PLCL2: variants seen among roughly 807,000 people sequenced by gnomAD.
The protein encoded by PLCL2 is inactive phospholipase C-like protein 2.
In PLCL2, 4 loss-of-function variants were observed where a neutral mutation model predicts 79.6. The observed-to-expected ratio is 0.05, with a 90% CI of 0.02 to 0.11. The LOEUF is 0.11. PLCL2 is among the 10% of genes least tolerant of loss of function. PLCL2 has a pLI of 1.00. For synonymous variants in PLCL2, 484 were observed against 457.7 expected, an observed-to-expected ratio of 1.06 and a Z score of -0.73; for missense variants, 895 against 1,291.0, an observed-to-expected ratio of 0.69 and a Z score of 4.70.
rs547042519 is a variant in PLCL2 at position 16,891,955 on chromosome 3, C to A, written c.327+6589C>A. On this transcript the variant is annotated intron_variant, in intron 1 of 5. Coordinates refer to ENST00000615277, the MANE Select transcript of PLCL2 (RefSeq NM_001144382.2). ...TTCTCTGTCTTCCAGCCACCACTCT[C>A]CCTGTATCTCCATACAGTCCTTCTG... 1.1e-4 allele frequency among the ~76,000 whole-genome samples: 17 copies of A among 152,350 alleles called. No homozygotes were observed. The South Asian group carries it at 3.5e-3, about 32-fold the overall frequency.
chr3:16,949,638 C>T (rs1333091182), intron 1 of PLCL2, among the ~76,000 whole-genome samples: 1 of 152,064 alleles, frequency 6.6e-6, no homozygotes, highest in Non-Finnish European at 1.5e-5. Context: ...TCAAATTTAT[C>T]TTTTCTTGTG....
chr3:17,079,834 A>G (rs1003336099), intron 5 of PLCL2, among the ~76,000 whole-genome samples: 5 of 152,198 alleles, frequency 3.3e-5, no homozygotes, highest in Admixed American at 1.3e-4. Context: ...CAGCCCAAAT[A>G]TAGGCAAAAA....
intron 1 of PLCL2, among the ~76,000 whole-genome samples, chr3:16,898,483 G>A (rs896782662): frequency 5.3e-5 from 8 of 152,308 alleles, no homozygotes; most frequent in Non-Finnish European, 7.4e-5. Context: ...AATAGCTGCC[G>A]GGTATGAATG....
At chr3:16,968,394 A>G (rs1044008691) in intron 1 of PLCL2, among the ~76,000 whole-genome samples, 6 of 151,986 alleles carry the variant, frequency 3.9e-5, no homozygotes, top group African/African-American at 1.2e-4. Context: ...GATTCTTCCT[A>G]TCCATGAGCA....
rs1410885778 is a variant in PLCL2, at chr3:16,953,500, C to T, written c.328-56174C>T. On this transcript the variant is annotated intron_variant, in intron 1 of 5. Coordinates refer to ENST00000615277, the MANE Select transcript of PLCL2 (RefSeq NM_001144382.2). ...GCATGTAAAATAGATAGGATCACTG[C>T]CCTTGAAGAGCTTGTTCTCTAAAAA... 2.0e-5 allele frequency among the ~76,000 whole-genome samples: 3 copies of T among 152,180 alleles called. No homozygotes were observed. The East Asian group carries it at 5.8e-4, about 29-fold the overall frequency.
chr3:17,007,140 G>A (rs2064268992), intron 1 of PLCL2, among the ~76,000 whole-genome samples: 2 of 152,036 alleles, frequency 1.3e-5, no homozygotes, highest in African/African-American at 2.4e-5. Context: ...CTTTATCAAA[G>A]GTAAATGCGT....
intron 1 of PLCL2, among the ~76,000 whole-genome samples, chr3:16,972,809 GT>G (rs1379160216): frequency 6.6e-6 from 1 of 151,928 alleles, no homozygotes; most frequent in Non-Finnish European, 1.5e-5. Flanking sequence ...AGTAACTCCT[GT>G]TTTTTTCTGT....
Position 16,942,153 on chromosome 3 carries a change from C to T in PLCL2, c.327+56787C>T, listed in dbSNP as rs182453523. ...CTAAGTGAGTTAATAACTGTGGGCC[C>T]CCAGACTGAGCCTCCTTGTCCAGTG... On this transcript the variant is annotated intron_variant, in intron 1 of 5. Transcript: ENST00000615277. 3.2e-3 allele frequency among the ~76,000 whole-genome samples: 480 copies of T among 152,214 alleles called. 1 individual carries two copies. Among genetic ancestry groups the T allele is most frequent in the Non-Finnish European group, 3.2e-3 (220 of 68,018 alleles).
chr3:16,955,208 G>A (rs1377532945), intron 1 of PLCL2, among the ~76,000 whole-genome samples: 4 of 152,138 alleles, frequency 2.6e-5, no homozygotes, highest in African/African-American at 4.8e-5. Flanking sequence ...TTTGTATAAG[G>A]TGTAAGGAAG....
chr3:17,090,163 T>C lies in PLCL2; in HGVS notation c.*251T>C. 1 of 1,163,912 alleles carries C rather than the reference T, an allele frequency of 8.6e-7. No individual in the cohort carries two copies. Among genetic ancestry groups the C allele is most frequent in the Non-Finnish European group, 1.1e-6 (1 of 943,772 alleles). The allele number at this position is 1,163,912 out of a possible 1,614,324, so 72.1% of individuals were successfully genotyped here. Reference sequence around the variant, plus strand: ...TATTTGTATACAAAGACATTCTAACTCAGTTCCAGTATGAAGAAAGATTAT... The same window carrying C: ...TATTTGTATACAAAGACATTCTAACCCAGTTCCAGTATGAAGAAAGATTAT... On this transcript the variant is annotated 3_prime_UTR_variant, in exon 6 of 6. Coordinates refer to ENST00000615277, the MANE Select transcript of PLCL2 (RefSeq NM_001144382.2).
chr3:17,004,125 A>G (rs1440270188), intron 1 of PLCL2, among the ~76,000 whole-genome samples: 1 of 152,110 alleles, frequency 6.6e-6, no homozygotes, highest in Non-Finnish European at 1.5e-5. Flanking sequence ...TCACTCTTTG[A>G]AATTCCGTTC....
chr3:17,009,859 C>A lies in PLCL2; in HGVS notation c.513C>A (p.Ser171Arg). 4 of 1,613,366 alleles carry A rather than the reference C, an allele frequency of 2.5e-6. No individual in the cohort carries two copies. The highest frequency in any genetic ancestry group is 3.4e-6 in the Non-Finnish European group (4 of 1,179,386). The change falls in exon 2 of 6, where the codon AGC becomes AGA. Residue 171 changes from serine (S) to arginine (R), a missense_variant. Around this residue, in one of 6 missense-constraint regions of PLCL2, gnomAD observed 129 missense variants for 208.8 expected, o/e 0.62. Transcript: ENST00000615277. The surrounding 1 kb of genome is among the most constrained non-coding windows in gnomAD (Gnocchi z 4.0). ...RYFLLDADMQ[S>R]LRWEPSKKDS... ...TTTTACTGGATGCTGACATGCAGAG[C>A]CTAAGGTGGGAGCCATCTAAGAAGG... is the stretch of plus-strand genomic sequence containing the variant.
At chr3:16,917,153 A>G (rs1470136305) in intron 1 of PLCL2, among the ~76,000 whole-genome samples, 1 of 152,174 alleles carries the variant, frequency 6.6e-6, no homozygotes, top group African/African-American at 2.4e-5. Context: ...TTAAGGACAC[A>G]CATCCTCTGT....
chr3:17,070,613 T>C (rs73025686), intron 5 of PLCL2, among the ~76,000 whole-genome samples: 107 of 152,292 alleles, frequency 7.0e-4, no homozygotes, highest in Non-Finnish European at 1.0e-3. Context: ...TTTTTTTCAT[T>C]CCTGTATGTC....
intron 1 of PLCL2, among the ~76,000 whole-genome samples, chr3:16,986,249 T>C (rs1453326957): frequency 1.3e-5 from 2 of 152,134 alleles, no homozygotes; most frequent in Non-Finnish European, 2.9e-5. Context: ...AGTATCAACA[T>C]CTCAGAGGAG....
intron 4 of PLCL2, among the ~76,000 whole-genome samples, chr3:17,056,211 G>A (rs151280850): frequency 6.6e-6 from 1 of 152,090 alleles, no homozygotes; most frequent in Non-Finnish European, 1.5e-5. Flanking sequence ...TTGGTTATGA[G>A]AATTCCCATT....
At chr3:17,005,924 G>A (rs1405389992) in intron 1 of PLCL2, among the ~76,000 whole-genome samples, 2 of 152,136 alleles carry the variant, frequency 1.3e-5, no homozygotes, top group Non-Finnish European at 2.9e-5. Context: ...TGGGTGATGA[G>A]TACTCCTTCA....
intron 1 of PLCL2, among the ~76,000 whole-genome samples, chr3:16,927,026 T>C (rs1697273052): frequency 6.6e-6 from 1 of 152,230 alleles, no homozygotes; most frequent in Non-Finnish European, 1.5e-5. Context: ...GTCCTTGATA[T>C]GTATTTAATT....
At chr3:17,023,968 C>T (rs2064483746) in intron 3 of PLCL2, among the ~76,000 whole-genome samples, 1 of 152,128 alleles carries the variant, frequency 6.6e-6, no homozygotes, top group Non-Finnish European at 1.5e-5. Context: ...ACTGTTGAAG[C>T]CACCCAGCCT....
Sources: gnomAD v4.1 joint callset for allele counts (sites outside exome capture counted in the v4.1 genomes callset) on GRCh38, gnomAD v4.1.1 for gene constraint, gnomAD v4.1.1 regional missense constraint, Gnocchi (gnomAD v3.1) non-coding constraint, MANE v1.5 for transcripts, NCBI Gene and HGNC (gene_info 2026-07-23, HGNC 2026-07-21) for gene names.